NKAIN2: variants seen among roughly 807,000 people sequenced by gnomAD.
NKAIN2 encodes the protein sodium/potassium-transporting ATPase subunit beta-1-interacting protein 2.
NKAIN2 carries 14 observed loss-of-function variants against 32.6 expected under a neutral mutation model. The observed-to-expected ratio is 0.43, with a 90% CI of 0.28 to 0.67. The LOEUF (loss-of-function observed/expected upper bound fraction) is 0.67. Ranked by LOEUF, NKAIN2 falls within the 30% of genes least tolerant of loss-of-function variation. The pLI is 0.17. For synonymous variants in NKAIN2, 80 were observed against 87.2 expected (o/e 0.92, Z 0.46); for missense variants, 198 against 258.3 (o/e 0.77, Z 1.60).
chr6:124,602,507 T>A (rs561878702), intron 3 of NKAIN2, among the ~76,000 whole-genome samples: 51 of 151,796 alleles, frequency 3.4e-4, no homozygotes, highest in Non-Finnish European at 7.1e-4. Context: ...ATAGGTAAAA[T>A]GAGTGTCGTG....
chr6:124,447,799 G>T (rs1038774636), intron 3 of NKAIN2, among the ~76,000 whole-genome samples: 1 of 152,098 alleles, frequency 6.6e-6, no homozygotes, highest in African/African-American at 2.4e-5. Context: ...TGGTGAGTTT[G>T]TGGAGGTGCA....
chr6:124,083,838 C>T lies in NKAIN2; in HGVS notation c.55-199167C>T, dbSNP rs151001362. On this transcript the variant is annotated intron_variant, in intron 1 of 6. Coordinates refer to ENST00000368417, the MANE Select transcript of NKAIN2 (RefSeq NM_001040214.3). ...TTTGTGTACTGGCCTTTTTTAAAGA[C>T]ACTATGGTTACAGAGAGCATGATTT... Among the ~76,000 whole-genome samples, 1,036 of 152,034 alleles carry T rather than the reference C, an allele frequency of 6.8e-3. 13 individuals carry two copies. The highest frequency in any genetic ancestry group is 0.024 in the African/African-American group (990 of 41,504).
intron 1 of NKAIN2, among the ~76,000 whole-genome samples, chr6:124,024,611 TA>T (rs1781021671): frequency 6.9e-6 from 1 of 143,928 alleles, no homozygotes; most frequent in African/African-American, 2.8e-5. Context: ...AAGCAGATCT[TA>T]AGATTATCAG....
At chr6:123,923,373 G>T (rs1298569478) in intron 1 of NKAIN2, among the ~76,000 whole-genome samples, 4 of 151,332 alleles carry the variant, frequency 2.6e-5, no homozygotes, top group African/African-American at 9.7e-5. Flanking sequence ...TTTGGCAGGA[G>T]TGGGGGATTG....
intron 1 of NKAIN2, among the ~76,000 whole-genome samples, chr6:124,136,771 A>G (rs1258849762): frequency 1.3e-5 from 2 of 152,206 alleles, no homozygotes; most frequent in Non-Finnish European, 2.9e-5. Context: ...GGTCATCTCA[A>G]TAGATGTAGA....
At chr6:124,615,970 G>A (rs1394813109) in intron 3 of NKAIN2, among the ~76,000 whole-genome samples, 1 of 151,998 alleles carries the variant, frequency 6.6e-6, no homozygotes, top group Non-Finnish European at 1.5e-5. Flanking sequence ...TTCTAAATAT[G>A]CCACATACAC....
At chr6:123,841,006 G>A (rs990678397) in intron 1 of NKAIN2, among the ~76,000 whole-genome samples, 1 of 152,018 alleles carries the variant, frequency 6.6e-6, no homozygotes, top group Non-Finnish European at 1.5e-5. Flanking sequence ...AAACCAGTAG[G>A]ACTTCTTTCC....
At chr6:124,190,396 C>T (rs2114584594) in intron 1 of NKAIN2, among the ~76,000 whole-genome samples, 1 of 152,266 alleles carries the variant, frequency 6.6e-6, no homozygotes, top group East Asian at 1.9e-4. Context: ...GTAGACAAAC[C>T]ATTTGAATGA....
At chr6:124,221,320 A>G (rs568354682) in intron 1 of NKAIN2, among the ~76,000 whole-genome samples, 2 of 150,110 alleles carry the variant, frequency 1.3e-5, no homozygotes, top group East Asian at 2.0e-4. Context: ...AAAACCAAAC[A>G]CCACATATTC....
chr6:124,063,494 C>T (rs917635695), intron 1 of NKAIN2, among the ~76,000 whole-genome samples: 3 of 151,966 alleles, frequency 2.0e-5, no homozygotes, highest in African/African-American at 7.2e-5. Flanking sequence ...CTTTCTTTCA[C>T]CTTCTCTTTT....
chr6:123,805,063 A>G (rs979064193), intron 1 of NKAIN2, among the ~76,000 whole-genome samples: 1 of 152,186 alleles, frequency 6.6e-6, no homozygotes, highest in African/African-American at 2.4e-5. Context: ...GGAAAACGTC[A>G]TGTCTCTGAA....
intron 3 of NKAIN2, among the ~76,000 whole-genome samples, chr6:124,649,438 C>T (rs1784288790): frequency 6.6e-6 from 1 of 152,068 alleles, no homozygotes; most frequent in African/African-American, 2.4e-5. Flanking sequence ...ATTGAATAGG[C>T]TTTTATCTAT....
At chr6:124,232,625 T>G (rs1316642872) in intron 1 of NKAIN2, among the ~76,000 whole-genome samples, 3 of 152,196 alleles carry the variant, frequency 2.0e-5, no homozygotes, top group Non-Finnish European at 2.9e-5. Flanking sequence ...GTCTCTATGT[T>G]ATCCCCCCAC....
At chr6:124,429,907 G>A (rs551839386) in intron 3 of NKAIN2, among the ~76,000 whole-genome samples, 2 of 152,218 alleles carry the variant, frequency 1.3e-5, no homozygotes, top group South Asian at 2.1e-4. Flanking sequence ...GAAAGAATTA[G>A]CATCGGGGAC....
chr6:124,146,269 A>C (rs764305181), intron 1 of NKAIN2, among the ~76,000 whole-genome samples: 6 of 151,956 alleles, frequency 3.9e-5, no homozygotes, highest in Admixed American at 3.9e-4. Flanking sequence ...AATCGTGGGC[A>C]AAAAAAATGT....
chr6:124,652,723 G>C (rs971433532), intron 3 of NKAIN2, among the ~76,000 whole-genome samples: 1 of 152,132 alleles, frequency 6.6e-6, no homozygotes, highest in Non-Finnish European at 1.5e-5. Context: ...AGGGCACAGA[G>C]AGTGCAAGAG....
intron 3 of NKAIN2, among the ~76,000 whole-genome samples, chr6:124,552,918 G>T (rs1347141281): frequency 6.6e-6 from 1 of 152,096 alleles, no homozygotes; most frequent in Non-Finnish European, 1.5e-5. Flanking sequence ...ATTTTTTGTT[G>T]TCGTGTACTC....
chr6:123,848,122 A>G (rs1775168313), intron 1 of NKAIN2, among the ~76,000 whole-genome samples: 2 of 152,234 alleles, frequency 1.3e-5, no homozygotes, highest in Admixed American at 6.5e-5. Context: ...ATGACACTAT[A>G]GTGACTAAAC....
chr6:123,973,225 G>T (rs919299003), intron 1 of NKAIN2, among the ~76,000 whole-genome samples: 1 of 152,050 alleles, frequency 6.6e-6, no homozygotes, highest in Middle Eastern at 3.4e-3. Context: ...ATTTTTTTCT[G>T]TCTTGGCTTG....
Sources: gnomAD v4.1 joint callset for allele counts (sites outside exome capture counted in the v4.1 genomes callset) on GRCh38, gnomAD v4.1.1 for gene constraint, MANE v1.5 for transcripts, NCBI Gene and HGNC (gene_info 2026-07-23, HGNC 2026-07-21) for gene names.